Variants in CTNNA2 observed in about 807,000 individuals in gnomAD.
The protein encoded by CTNNA2 is catenin alpha 2, also known as catenin alpha-2.
In CTNNA2, 42 loss-of-function variants were observed where a neutral mutation model predicts 101.0. The observed-to-expected ratio is 0.42, with a 90% CI of 0.32 to 0.54. The LOEUF is 0.54. Ranked by LOEUF, CTNNA2 falls within the 20% of genes least tolerant of loss-of-function variation. The probability of loss-of-function intolerance (pLI) is 0.14; values close to 1 mark genes in which losing one functional copy is unlikely to be tolerated. For synonymous variants in CTNNA2, 450 were observed against 456.4 expected, an observed-to-expected ratio of 0.99 and a Z score of 0.18; for missense variants, 871 against 1,223.1, an observed-to-expected ratio of 0.71 and a Z score of 4.29.
chr2:80,355,429 T>C (rs1673689528), intron 7 of CTNNA2, among the ~76,000 whole-genome samples: 2 of 152,296 alleles, frequency 1.3e-5, no homozygotes, highest in South Asian at 2.1e-4. Context: ...TCCTTTGTGA[T>C]GATGAGGATG....
intron 4 of CTNNA2, among the ~76,000 whole-genome samples, chr2:79,476,310 A>G (rs1671049321): frequency 6.6e-6 from 1 of 152,318 alleles, no homozygotes; most frequent in East Asian, 1.9e-4. Flanking sequence ...TAGGCACAGT[A>G]TCTCCTCAGG....
rs117606534 is a variant in CTNNA2 at position 79,771,648 on chromosome 2, A to G, written c.298+27066A>G. Among the ~76,000 whole-genome samples, 244 of 152,248 alleles carry G rather than the reference A, an allele frequency of 1.6e-3. 5 individuals are homozygous for G. The East Asian group carries it at 0.042, about 26-fold the overall frequency. ...ACAAGAGGGTCCACTCTCCTATGAG[A>G]ATCAAATGCCACCACTGATCTGACA... On this transcript the variant is annotated intron_variant, in intron 3 of 18. Coordinates refer to ENST00000402739, the MANE Select transcript of CTNNA2 (RefSeq NM_001282597.3).
Position 80,545,074 on chromosome 2 carries a change from G to C in CTNNA2, c.1383G>C (p.Gln461His). The C allele has an allele frequency of 6.2e-7, 1 of 1,613,674 alleles. No homozygotes were observed. The highest frequency in any genetic ancestry group is 8.5e-7 in the Non-Finnish European group (1 of 1,179,782). ...AATQIDSLCP[Q>H]VINAALTLAA... is the part of the protein sequence containing the mutation. ...CCCAGATTGACAGCCTGTGTCCCCAGGTAAGCCTCATTCACTTTGTTTCAA... is the reference window on the plus strand; with the variant it reads ...CCCAGATTGACAGCCTGTGTCCCCACGTAAGCCTCATTCACTTTGTTTCAA... Residue 461 changes from glutamine to histidine, a missense_variant and splice_region_variant, in exon 10 of 19, where the codon CAG (glutamine) becomes CAC (histidine). Physicochemically the swap from Gln to His is conservative, Grantham distance 24. Around this residue, in one of 5 missense-constraint regions of CTNNA2, gnomAD observed 647 missense variants for 831.5 expected, o/e 0.78. Transcript: ENST00000402739.
intron 1 of CTNNA2, among the ~76,000 whole-genome samples, chr2:79,513,803 C>CT (rs1448625216): frequency 6.6e-6 from 1 of 152,160 alleles, no homozygotes; most frequent in Non-Finnish European, 1.5e-5. Context: ...TCAGCAGTTT[C>CT]TTTTTTTCTT....
At chr2:79,236,027 G>A (rs944505239) in intron 2 of CTNNA2, among the ~76,000 whole-genome samples, 2 of 152,192 alleles carry the variant, frequency 1.3e-5, no homozygotes, top group Admixed American at 6.5e-5. Context: ...GATAGGTGGA[G>A]TTGACCAATC....
intron 18 of CTNNA2, among the ~76,000 whole-genome samples, chr2:80,644,473 A>C (rs542001961): frequency 1.3e-5 from 2 of 152,128 alleles, no homozygotes; most frequent in Non-Finnish European, 2.9e-5. Flanking sequence ...GCTTTATTCT[A>C]ATATCTTTTC....
intron 9 of CTNNA2, among the ~76,000 whole-genome samples, chr2:80,427,777 T>C (rs1681126782): frequency 6.6e-6 from 1 of 152,230 alleles, no homozygotes; most frequent in Admixed American, 6.5e-5. Flanking sequence ...TCTTCTCAAT[T>C]AATCCTTCCC....
chr2:80,079,887 A>T (rs867913755), intron 7 of CTNNA2, among the ~76,000 whole-genome samples: 202 of 136,968 alleles, frequency 1.5e-3, no homozygotes, highest in African/African-American at 5.8e-3. Flanking sequence ...TAAAATAATA[A>T]AATAAAATAA....
At chr2:80,324,554 A>T (rs1679056846) in intron 7 of CTNNA2, among the ~76,000 whole-genome samples, 1 of 152,212 alleles carries the variant, frequency 6.6e-6, no homozygotes. Flanking sequence ...GGACCTAGGA[A>T]TTGTGAGAAA....
chr2:79,557,488 C>G (rs1192461293), intron 1 of CTNNA2, among the ~76,000 whole-genome samples: 1 of 151,840 alleles, frequency 6.6e-6, no homozygotes, highest in Non-Finnish European at 1.5e-5. Context: ...AAATGACCTA[C>G]ACTTATAATT....
chr2:80,159,946 T>C (rs1704211846), intron 7 of CTNNA2, among the ~76,000 whole-genome samples: 1 of 146,488 alleles, frequency 6.8e-6, no homozygotes, highest in East Asian at 1.9e-4. Context: ...TTTCTAAAAG[T>C]TTTACATTTT....
At chr2:79,336,809 C>G (rs1369918496) in intron 3 of CTNNA2, among the ~76,000 whole-genome samples, 2 of 152,102 alleles carry the variant, frequency 1.3e-5, no homozygotes, top group Non-Finnish European at 2.9e-5. Flanking sequence ...ATTGCAAGGC[C>G]AATTTAGAAT....
At chr2:80,419,407 T>C (rs776568047) in intron 8 of CTNNA2, 42 bp from the exon 9 acceptor site, 2 of 1,548,758 alleles carry the variant, frequency 1.3e-6, no homozygotes, top group South Asian at 1.2e-5. Context: ...ATTATACTAT[T>C]TCTTAATTGT....
In CTNNA2 at chr2:80,292,326, C is replaced by T. The variant is rs924572027; in HGVS notation, c.1057-100885C>T. The stretch of plus-strand genomic sequence containing the variant: ...AACTGAGGATCAGAAAGGTTAATTG[C>T]CTTGCCAAAGTCACTCAGCCAGAAT... On this transcript the variant is annotated intron_variant, in intron 7 of 18. Transcript: ENST00000402739. Among the ~76,000 whole-genome samples, 84 of 152,006 alleles carry T rather than the reference C, an allele frequency of 5.5e-4. 1 individual carries two copies. The highest frequency in any genetic ancestry group is 1.8e-3 in the African/African-American group (73 of 41,388).
chr2:80,390,556 G>C (rs1453551303), intron 7 of CTNNA2, among the ~76,000 whole-genome samples: 2 of 152,134 alleles, frequency 1.3e-5, no homozygotes, highest in African/African-American at 4.8e-5. Context: ...TTACAATCTT[G>C]AACATGACTC....
intron 4 of CTNNA2, among the ~76,000 whole-genome samples, chr2:79,401,002 C>T (rs1239128192): frequency 1.3e-5 from 2 of 151,784 alleles, no homozygotes; most frequent in African/African-American, 2.4e-5. Flanking sequence ...CTGTGTCTAG[C>T]AAAACTATTT....
intron 7 of CTNNA2, among the ~76,000 whole-genome samples, chr2:79,946,056 G>T (rs1289711012): frequency 4.6e-5 from 7 of 152,132 alleles, no homozygotes; most frequent in Non-Finnish European, 7.3e-5. Flanking sequence ...CTAGGCAGAA[G>T]GAAGTACATG....
intron 7 of CTNNA2, among the ~76,000 whole-genome samples, chr2:80,158,523 A>G (rs910715912): frequency 6.6e-6 from 1 of 152,208 alleles, no homozygotes; most frequent in South Asian, 2.1e-4. Flanking sequence ...TTGCTCTTCA[A>G]TAGCAACACC....
At chr2:80,074,631 T>C (rs1196233338) in intron 7 of CTNNA2, among the ~76,000 whole-genome samples, 1 of 152,088 alleles carries the variant, frequency 6.6e-6, no homozygotes, top group Non-Finnish European at 1.5e-5. Context: ...GCAGTGGTGA[T>C]TCTCAGAGCT....
Sources: allele counts gnomAD v4.1 joint callset (sites outside exome capture counted in the v4.1 genomes callset), GRCh38; gene constraint gnomAD v4.1.1; regional missense constraint gnomAD v4.1.1; transcripts MANE v1.5; gene names NCBI Gene and HGNC (gene_info 2026-07-23, HGNC 2026-07-21).